CAMSAP2: variants seen among roughly 807,000 people sequenced by gnomAD.
CAMSAP2 encodes the protein calmodulin-regulated spectrin-associated protein 2.
In CAMSAP2, 26 loss-of-function variants were observed where a neutral mutation model predicts 146.1. The observed-to-expected ratio is 0.18, with a 90% CI of 0.13 to 0.25. CAMSAP2 has a LOEUF of 0.25. Ranked by LOEUF, CAMSAP2 falls within the 10% of genes least tolerant of loss-of-function variation. The pLI, the probability that CAMSAP2 is intolerant of heterozygous loss-of-function variation, is 1.00. For missense variants in CAMSAP2, 1,381 were observed against 1,759.3 expected, an observed-to-expected ratio of 0.78 and a Z score of 3.85; for synonymous variants, 499 against 596.6, an observed-to-expected ratio of 0.84 and a Z score of 2.38.
intron 11 of CAMSAP2, among the ~76,000 whole-genome samples, chr1:200,851,101 C>A (rs1359027875): frequency 6.6e-6 from 1 of 152,168 alleles, no homozygotes; most frequent in Non-Finnish European, 1.5e-5. Flanking sequence ...TATACTCATA[C>A]CTGTCCTGTG....
chr1:200,812,241 C>G (rs1269818800), intron 3 of CAMSAP2, among the ~76,000 whole-genome samples: 1 of 152,062 alleles, frequency 6.6e-6, no homozygotes, highest in Non-Finnish European at 1.5e-5. Flanking sequence ...GTTTTAGTAT[C>G]TAGACCAGCA....
intron 15 of CAMSAP2, among the ~76,000 whole-genome samples, chr1:200,856,720 G>C (rs1667760419): frequency 6.6e-6 from 1 of 152,200 alleles, no homozygotes; most frequent in Non-Finnish European, 1.5e-5. Flanking sequence ...ATGGGGAAGA[G>C]CAGAGGGAAA....
At position 200,847,647 on chromosome 1, in the gene CAMSAP2, TAGA is replaced by T; in HGVS notation, c.1203_1205del (p.Arg402del). On this transcript the variant is annotated inframe_deletion, in exon 10 of 17. Coordinates refer to ENST00000358823, the MANE Select transcript of CAMSAP2 (RefSeq NM_203459.4). ...TCTTTTTTGCATTTGAAGGAGGAAT[TAGA>T]AGGTCTTCATCTATGTCTTATGTTG... 1.2e-6 allele frequency: 2 copies of T among 1,610,902 alleles called. No homozygotes were observed. The highest frequency in any genetic ancestry group is 2.2e-5 in the East Asian group (1 of 44,762).
At chr1:200,825,300 A>G (rs541636327) in intron 4 of CAMSAP2, among the ~76,000 whole-genome samples, 2 of 151,988 alleles carry the variant, frequency 1.3e-5, no homozygotes, top group Non-Finnish European at 2.9e-5. Context: ...TCCCTCCCCT[A>G]TCTCTTCTAC....
At chr1:200,839,858 TA>T (rs1208151485) in intron 6 of CAMSAP2, among the ~76,000 whole-genome samples, 1 of 152,142 alleles carries the variant, frequency 6.6e-6, no homozygotes, top group Non-Finnish European at 1.5e-5. Context: ...AAATAAGAAA[TA>T]AATTTTTTAA....
intron 2 of CAMSAP2, among the ~76,000 whole-genome samples, chr1:200,764,100 A>G (rs1007976662): frequency 6.6e-6 from 1 of 152,316 alleles, no homozygotes; most frequent in African/African-American, 2.4e-5. Flanking sequence ...TATTTTTTTA[A>G]AGAGTAAAGT....
At chr1:200,790,148 T>C (rs1195516416) in intron 2 of CAMSAP2, among the ~76,000 whole-genome samples, 1 of 152,168 alleles carries the variant, frequency 6.6e-6, no homozygotes, top group African/African-American at 2.4e-5. Context: ...TCTCCTTCTT[T>C]AGGTGGGTCA....
intron 2 of CAMSAP2, among the ~76,000 whole-genome samples, chr1:200,776,453 A>T (rs1665281311): frequency 1.3e-5 from 2 of 152,212 alleles, no homozygotes; most frequent in African/African-American, 4.8e-5. Context: ...CCAAACATGG[A>T]ACTCATTCTT....
chr1:200,785,960 G>T (rs140964664), intron 2 of CAMSAP2, among the ~76,000 whole-genome samples: 1 of 152,214 alleles, frequency 6.6e-6, no homozygotes, highest in Non-Finnish European at 1.5e-5. Context: ...AAAGTGCTGG[G>T]ATTACAGGCG....
At chr1:200,774,486 G>A (rs1438538065) in intron 2 of CAMSAP2, among the ~76,000 whole-genome samples, 1 of 152,054 alleles carries the variant, frequency 6.6e-6, no homozygotes, top group Non-Finnish European at 1.5e-5. Flanking sequence ...ACTGATTATT[G>A]TTTTCCTGAA....
intron 4 of CAMSAP2, among the ~76,000 whole-genome samples, chr1:200,816,832 GTGTGTATGTGTGTA>G (rs1415739114): frequency 0.024 from 1,861 of 77,420 alleles, 749 homozygotes; most frequent in Middle Eastern, 0.036. Context: ...ACACACACGC[GTGTGTATGTGTGTA>G]CACACACACG....
intron 8 of CAMSAP2, among the ~76,000 whole-genome samples, 200 bp downstream of exon 8, chr1:200,845,069 C>G (rs777488538): frequency 4.6e-5 from 7 of 152,106 alleles, no homozygotes; most frequent in Non-Finnish European, 8.8e-5. Flanking sequence ...ATGTACCACA[C>G]TGAAAAGATG....
At chr1:200,807,779 CACCCA>C (rs1248280219) in intron 3 of CAMSAP2, among the ~76,000 whole-genome samples, 2 of 140,378 alleles carry the variant, frequency 1.4e-5, no homozygotes, top group African/African-American at 5.3e-5. Flanking sequence ...CTCGCTCTGT[CACCCA>C]GGCTGGAGTG....
rs1344597752 is a variant in CAMSAP2 at position 200,754,955 on chromosome 1, A to G, written c.140-5884A>G. ...TGATGCGTGTTTTATTCAGTGGGTT[A>G]TAATTCTTTATTATGTATTCTGATG... is the stretch of plus-strand genomic sequence containing the variant. On this transcript the variant is annotated intron_variant, in intron 1 of 16. Transcript: ENST00000358823. Among the ~76,000 whole-genome samples the G allele has an allele frequency of 4.6e-5, 7 of 152,178 alleles. No homozygotes were observed. In the East Asian group the frequency reaches 1.2e-3, roughly 25 times the overall value.
At chr1:200,812,711 G>A (rs187617899) in intron 3 of CAMSAP2, among the ~76,000 whole-genome samples, 427 of 152,214 alleles carry the variant, frequency 2.8e-3, no homozygotes, top group African/African-American at 9.4e-3. Context: ...GCTAAAATGA[G>A]TTTAAACTTA....
chr1:200,762,087 G>A (rs1664817138), intron 2 of CAMSAP2, among the ~76,000 whole-genome samples: 1 of 152,166 alleles, frequency 6.6e-6, no homozygotes, highest in African/African-American at 2.4e-5. Flanking sequence ...AAGGTAAGGT[G>A]TATATGTAGA....
rs565030750 is a variant in CAMSAP2, at chr1:200,743,556, A to T, written c.139+3590A>T. Reference sequence around the variant, plus strand: ...CAAAAGATAAGGTCCTGTGTCTTTGACTTTGTAGTCAACAGAAAATTTACC... The same window carrying T: ...CAAAAGATAAGGTCCTGTGTCTTTGTCTTTGTAGTCAACAGAAAATTTACC... On this transcript the variant is annotated intron_variant, in intron 1 of 16. Transcript: ENST00000358823. 3.9e-5 allele frequency among the ~76,000 whole-genome samples: 6 copies of T among 152,044 alleles called. No homozygotes were observed. The South Asian group carries it at 1.2e-3, about 32-fold the overall frequency.
At chr1:200,801,663 T>C (rs766069601) in intron 2 of CAMSAP2, among the ~76,000 whole-genome samples, 4 of 152,208 alleles carry the variant, frequency 2.6e-5, no homozygotes, top group Non-Finnish European at 4.4e-5. Flanking sequence ...CTTGCCTTCA[T>C]GCTTTATTTT....
chr1:200,816,256 C>T (rs1246433790), intron 4 of CAMSAP2, among the ~76,000 whole-genome samples: 3 of 151,520 alleles, frequency 2.0e-5, no homozygotes, highest in Non-Finnish European at 4.4e-5. Context: ...CCACTGCACT[C>T]CAGCCTGGGG....
Sources: allele counts gnomAD v4.1 joint callset (sites outside exome capture counted in the v4.1 genomes callset), GRCh38; gene constraint gnomAD v4.1.1; transcripts MANE v1.5; gene names NCBI Gene and HGNC (gene_info 2026-07-23, HGNC 2026-07-21).